Variants in ADK observed in about 807,000 individuals in gnomAD.
The protein encoded by ADK is N6,N6-dimethyladenosine kinase.
A neutral mutation model predicts 44.7 loss-of-function variants in ADK; 24 were observed. The ratio of observed to expected loss-of-function variants is 0.54; its 90% CI spans 0.39 to 0.76. The LOEUF is 0.76. ADK is among the 30% of genes least tolerant of loss of function. The pLI is 0.00. For missense variants in ADK, 321 were observed against 425.1 expected (o/e 0.76, Z 2.15); for synonymous variants, 128 against 142.6 (o/e 0.90, Z 0.73).
At chr10:74,201,521 A>G (rs1377755329) in intron 2 of ADK, among the ~76,000 whole-genome samples, 1 of 152,036 alleles carries the variant, frequency 6.6e-6, no homozygotes, top group Non-Finnish European at 1.5e-5. Flanking sequence ...TAGTTGTTCT[A>G]TTTTTAGTTA....
At position 74,288,519 on chromosome 10, in the gene ADK, G is replaced by A. The variant is rs186970388; in HGVS notation, c.195-26148G>A. On this transcript the variant is annotated intron_variant, in intron 3 of 10. Coordinates refer to ENST00000539909, the MANE Select transcript of ADK (RefSeq NM_006721.4). The stretch of plus-strand genomic sequence containing the variant: ...ACAAAAATTAGCCAGGCGTGGTGGC[G>A]GGCACCTATAATCCCAGCTACTCTG... Among the ~76,000 whole-genome samples, 730 of 151,928 alleles carry A rather than the reference G, an allele frequency of 4.8e-3. 8 individuals carry two copies. The highest frequency in any genetic ancestry group is 0.016 in the African/African-American group (681 of 41,428).
chr10:74,269,443 T>C (rs143556244), intron 3 of ADK, among the ~76,000 whole-genome samples: 2 of 152,338 alleles, frequency 1.3e-5, no homozygotes, highest in Non-Finnish European at 1.5e-5. Flanking sequence ...CAGTGTAACA[T>C]ATAAAGAACT....
chr10:74,648,227 C>T (rs553670733), intron 9 of ADK, among the ~76,000 whole-genome samples: 1 of 151,918 alleles, frequency 6.6e-6, no homozygotes, highest in Non-Finnish European at 1.5e-5. Context: ...ACCTGTCCTA[C>T]AAGAAATGCT....
At chr10:74,443,441 TTTATAAAA>T (rs1845492210) in intron 6 of ADK, among the ~76,000 whole-genome samples, 1 of 152,162 alleles carries the variant, frequency 6.6e-6, no homozygotes, top group Non-Finnish European at 1.5e-5. Context: ...AAAGAAGCCA[TTTATAAAA>T]GGCTGTCTAT....
At chr10:74,324,513 T>C (rs1840941128) in intron 4 of ADK, among the ~76,000 whole-genome samples, 1 of 152,252 alleles carries the variant, frequency 6.6e-6, no homozygotes, top group African/African-American at 2.4e-5. Flanking sequence ...TTTGTCTTTT[T>C]GTACCTGGAT....
rs540026820 is a variant in ADK at position 74,266,412 on chromosome 10, C to T, written c.194+41821C>T. Among the ~76,000 whole-genome samples, 530 of 152,126 alleles carry T rather than the reference C, an allele frequency of 3.5e-3. 1 individual carries two copies. The highest frequency in any genetic ancestry group is 0.012 in the African/African-American group (501 of 41,510). On this transcript the variant is annotated intron_variant, in intron 3 of 10. Transcript: ENST00000539909. ...TCTCTACTAAAAATACAAAAATTAG[C>T]CTGGCGTGGTGGCGGGCACCTGTAA... is the stretch of plus-strand genomic sequence containing the variant.
At position 74,477,806 on chromosome 10, in the gene ADK, T is replaced by A. The variant is rs75827210; in HGVS notation, c.556-47450T>A. Among the ~76,000 whole-genome samples, 788 of 152,340 alleles carry A rather than the reference T, an allele frequency of 5.2e-3. 8 individuals are homozygous for A. Among genetic ancestry groups the A allele is most frequent in the African/African-American group, 0.018 (752 of 41,570 alleles). ...TCTCCTCCCTCCTGCAAATTTTTGA[T>A]CTTATTCATAACAGTTAAAAGGCAA... On this transcript the variant is annotated intron_variant, in intron 6 of 10. Transcript: ENST00000539909.
intron 3 of ADK, among the ~76,000 whole-genome samples, chr10:74,267,754 T>TTTTGTGTGTGTGTGTG (rs1554835954): frequency 0.028 from 3,668 of 132,612 alleles, 101 homozygotes; most frequent in Non-Finnish European, 0.041. Context: ...ATATCCTTAT[T>TTTTGTGTGTGTGTGTG]TGTGTGTGTG....
At chr10:74,409,414 C>T (rs923775462) in intron 6 of ADK, among the ~76,000 whole-genome samples, 3 of 152,026 alleles carry the variant, frequency 2.0e-5, no homozygotes, top group Admixed American at 1.3e-4. Flanking sequence ...AAATTTGTAC[C>T]CTGTTTCATG....
intron 3 of ADK, among the ~76,000 whole-genome samples, chr10:74,274,747 TACACACA>T (rs1846600017): frequency 1.0e-5 from 1 of 95,306 alleles, no homozygotes; most frequent in Admixed American, 1.1e-4. Context: ...TATATATATA[TACACACA>T]CACATTATAT....
At chr10:74,320,991 C>A (rs529303558) in intron 4 of ADK, among the ~76,000 whole-genome samples, 2 of 152,106 alleles carry the variant, frequency 1.3e-5, no homozygotes, top group Non-Finnish European at 2.9e-5. Flanking sequence ...CCTTTTTGTT[C>A]CTTGGAGATT....
chr10:74,225,147 G>A (rs1214936009), intron 3 of ADK, among the ~76,000 whole-genome samples: 1 of 152,076 alleles, frequency 6.6e-6, no homozygotes, highest in Admixed American at 6.6e-5. Flanking sequence ...GCGCAATCTC[G>A]GCTCATTGCA....
At chr10:74,227,571 C>T (rs992408538) in intron 3 of ADK, among the ~76,000 whole-genome samples, 5 of 152,006 alleles carry the variant, frequency 3.3e-5, no homozygotes, top group Admixed American at 6.6e-5. Context: ...AGGCCGGGCA[C>T]GGTGGCTCAC....
chr10:74,683,472 G>A (rs1159699301), intron 10 of ADK, among the ~76,000 whole-genome samples: 1 of 152,166 alleles, frequency 6.6e-6, no homozygotes, highest in African/African-American at 2.4e-5. Flanking sequence ...AAATGTAGAT[G>A]ACAAAAATTT....
intron 1 of ADK, among the ~76,000 whole-genome samples, chr10:74,192,437 A>G (rs1164570114): frequency 6.6e-6 from 1 of 151,922 alleles, no homozygotes; most frequent in Non-Finnish European, 1.5e-5. Context: ...TATGTTGGTC[A>G]GGCTAGTCTC....
rs1029059727 is a variant in ADK at position 74,302,486 on chromosome 10, T to C, written c.195-12181T>C. Among the ~76,000 whole-genome samples, 3 of 151,908 alleles carry C rather than the reference T, an allele frequency of 2.0e-5. No individual in the cohort carries two copies. The South Asian group carries it at 6.2e-4, about 31-fold the overall frequency. ...AGTGCTTTACTTTTGAAGTCCAGTT[T>C]GTACTGGAAAGAATTTATATTCCAG... is the stretch of plus-strand genomic sequence containing the variant. On this transcript the variant is annotated intron_variant, in intron 3 of 10. Transcript: ENST00000539909.
At chr10:74,685,429 C>CAAAAGA (rs1437278102) in intron 10 of ADK, among the ~76,000 whole-genome samples, 2 of 152,154 alleles carry the variant, frequency 1.3e-5, no homozygotes, top group Non-Finnish European at 2.9e-5. Flanking sequence ...TTTTCTTTGT[C>CAAAAGA]TTTGAAATGC....
rs566397421 is a variant in ADK, at chr10:74,687,132, A to G, written c.964+16863A>G. On this transcript the variant is annotated intron_variant, in intron 10 of 10. Coordinates refer to ENST00000539909, the MANE Select transcript of ADK (RefSeq NM_006721.4). ...GGATTCATTAAGTGTTACATATTATAAGAGGGGTCTCAAAGAAGTCTCAGA... is the reference window on the plus strand; with the variant it reads ...GGATTCATTAAGTGTTACATATTATGAGAGGGGTCTCAAAGAAGTCTCAGA... 2.1e-3 allele frequency among the ~76,000 whole-genome samples: 325 copies of G among 152,130 alleles called. 1 individual carries two copies. The highest frequency in any genetic ancestry group is 0.01 in the Middle Eastern group (3 of 294).
chr10:74,335,249 T>C (rs1841365972), intron 4 of ADK, among the ~76,000 whole-genome samples: 1 of 152,154 alleles, frequency 6.6e-6, no homozygotes, highest in African/African-American at 2.4e-5. Context: ...CTTTATTTTA[T>C]TTTATTTTAT....
Sources: allele counts gnomAD v4.1 joint callset (sites outside exome capture counted in the v4.1 genomes callset), GRCh38; gene constraint gnomAD v4.1.1; transcripts MANE v1.5; gene names NCBI Gene and HGNC (gene_info 2026-07-23, HGNC 2026-07-21).